The following ESF1 variants were observed in gnomAD, a reference collection of about 807,000 sequenced individuals.
The protein encoded by ESF1 is ESF1 nucleolar pre-rRNA processing protein.
In ESF1, 58 loss-of-function variants were observed where a neutral mutation model predicts 92.0. The observed-to-expected ratio is 0.63, with a 90% CI of 0.51 to 0.78. The LOEUF is 0.78. Ranked by LOEUF, ESF1 falls within the 30% of genes least tolerant of loss-of-function variation. ESF1 has a pLI of 0.00. For missense variants in ESF1, 922 were observed against 989.1 expected, an observed-to-expected ratio of 0.93 and a Z score of 0.91; for synonymous variants, 321 against 313.7, an observed-to-expected ratio of 1.02 and a Z score of -0.24.
chr20:13,782,859 T>C lies in ESF1; in HGVS notation c.282A>G (p.Ile94Met), dbSNP rs1481927073. ...TTTTAGTCTGGGTTTTTTTCTTCTTTATTTTCTTTTGACTCAATGCTTTGC... is the reference window on the plus strand; with the variant it reads ...TTTTAGTCTGGGTTTTTTTCTTCTTCATTTTCTTTTGACTCAATGCTTTGC... The part of the protein sequence containing the change: ...EDSKALSQKK[I>M]KKKKTQTKKE... The change falls in exon 2 of 14, where the codon ATA becomes ATG. Residue 94 changes from isoleucine to methionine, a missense_variant. By Grantham distance (10) the Ile-to-Met change is conservative (BLOSUM62 1). Coordinates refer to ENST00000617257, the MANE Select transcript of ESF1 (RefSeq NM_001276380.2). The C allele has an allele frequency of 4.4e-6, 7 of 1,603,910 alleles. No individual in the cohort carries two copies. In the East Asian group the frequency reaches 6.7e-5, roughly 15 times the overall value.
chr20:13,748,930 A>T (rs1978464254), intron 9 of ESF1, among the ~76,000 whole-genome samples: 1 of 152,092 alleles, frequency 6.6e-6, no homozygotes. Flanking sequence ...GATCAAAATT[A>T]TGCATCTAAG....
chr20:13,769,228 T>G (rs1419669137), intron 7 of ESF1, among the ~76,000 whole-genome samples: 1 of 152,204 alleles, frequency 6.6e-6, no homozygotes, highest in East Asian at 1.9e-4. Context: ...TTCATTTAAC[T>G]GTGCGGGGAG....
In ESF1 at chr20:13,766,810, C is replaced by CA. The variant is rs1366024108; in HGVS notation, c.1632dup (p.Glu545Ter). 3 of 1,613,598 alleles carry CA rather than the reference C, an allele frequency of 1.9e-6. No individual in the cohort carries two copies. The highest frequency in any genetic ancestry group is 2.5e-6 in the Non-Finnish European group (3 of 1,179,822). On this transcript the variant is annotated frameshift_variant, in exon 8 of 14. Coordinates refer to ENST00000617257, the MANE Select transcript of ESF1 (RefSeq NM_001276380.2). LOFTEE classifies it high-confidence loss of function. ...TCCTCTTCTATCTCCTCTTCATCTT[C>CA]ACTAGAGGAAGCTAAGTAGGCTTGA...
intron 9 of ESF1, among the ~76,000 whole-genome samples, chr20:13,750,360 T>G (rs1354044438): frequency 6.6e-6 from 1 of 151,864 alleles, no homozygotes; most frequent in East Asian, 1.9e-4. Flanking sequence ...TAAAAATTAG[T>G]TGGGTGTGGT....
intron 2 of ESF1, among the ~76,000 whole-genome samples, chr20:13,781,815 T>G (rs1980203551): frequency 6.6e-6 from 1 of 152,240 alleles, no homozygotes; most frequent in Non-Finnish European, 1.5e-5. Context: ...AATTAATGAA[T>G]GAGTACTCAA....
rs917557527 is a variant in ESF1, at chr20:13,736,386, A to G, written c.1829-2544T>C. Among the ~76,000 whole-genome samples, 7 of 152,170 alleles carry G rather than the reference A, an allele frequency of 4.6e-5. No individual in the cohort carries two copies. In the South Asian group the frequency reaches 1.4e-3, roughly 32 times the overall value. ...AAAATCATTTCTAAAAAAAAGGGCTATGTCAATATTTGAACCACATAAGTG... is the reference window on the plus strand; with the variant it reads ...AAAATCATTTCTAAAAAAAAGGGCTGTGTCAATATTTGAACCACATAAGTG... On this transcript the variant is annotated intron_variant, in intron 9 of 13. Transcript: ENST00000617257.
intron 9 of ESF1, among the ~76,000 whole-genome samples, chr20:13,743,208 A>C (rs2050026913): frequency 6.6e-6 from 1 of 152,236 alleles, no homozygotes; most frequent in South Asian, 2.1e-4. Flanking sequence ...ATTACCTCAC[A>C]CTTGCTAGGA....
intron 8 of ESF1, among the ~76,000 whole-genome samples, chr20:13,762,219 T>C (rs1451264261): frequency 6.6e-6 from 1 of 152,198 alleles, no homozygotes; most frequent in Non-Finnish European, 1.5e-5. Flanking sequence ...TATTGTTTTC[T>C]TAAAATAAAT....
At position 13,714,753 on chromosome 20, in the gene ESF1, C is replaced by A; in HGVS notation, c.*121G>T. On this transcript the variant is annotated 3_prime_UTR_variant, in exon 14 of 14. Coordinates refer to ENST00000617257, the MANE Select transcript of ESF1 (RefSeq NM_001276380.2). ...TTTATGGAGAAAAATTTTACTATGT[C>A]CAGAAAAAGATTTTATTCATGTTCT... is the stretch of plus-strand genomic sequence containing the variant. The A allele has an allele frequency of 1.0e-6, 1 of 960,094 alleles. No homozygotes were observed. The highest frequency in any genetic ancestry group is 1.5e-6 in the Non-Finnish European group (1 of 675,794). 59.5% of individuals were successfully genotyped at this position (960,094 alleles called of 1,614,324 possible). A position where few individuals can be genotyped will look rare whatever the true frequency, so the allele number is the denominator to read the frequency against.
chr20:13,714,336 TAC>T lies in ESF1; in HGVS notation c.*536_*537del, dbSNP rs2049808175. 1.3e-5 allele frequency: 2 copies of T among 152,258 alleles called. No individual in the cohort carries two copies. The highest frequency in any genetic ancestry group is 2.1e-4 in the South Asian group (1 of 4,836). The allele number at this position is 152,258 out of a possible 1,614,324, so 9.4% of individuals were successfully genotyped here. On this transcript the variant is annotated 3_prime_UTR_variant, in exon 14 of 14. Transcript: ENST00000617257. ...GCTATACAAAATAATGAAAATATTT[TAC>T]ACTTTTATTTACAAGTTAATTTCAT...
chr20:13,717,115 C>A (rs1423923808), intron 13 of ESF1, among the ~76,000 whole-genome samples: 6 of 151,966 alleles, frequency 3.9e-5, no homozygotes, highest in Non-Finnish European at 8.8e-5. Context: ...CCACGCCCAG[C>A]CAGCTAATTT....
Position 13,782,710 on chromosome 20 carries a change from C to G in ESF1, c.431G>C (p.Cys144Ser). 6.3e-7 allele frequency: 1 copy of G among 1,586,030 alleles called. No homozygotes were observed. The highest frequency in any genetic ancestry group is 8.5e-7 in the Non-Finnish European group (1 of 1,171,528). ...SIGIKKMKTS[C>S]KFKIDSNISP... ...TATGTTTGAATCTATCTTAAATTTACATGAGGTTTTCATTTTTTTAATTCC... is the reference window on the plus strand; with the variant it reads ...TATGTTTGAATCTATCTTAAATTTAGATGAGGTTTTCATTTTTTTAATTCC... The change falls in exon 2 of 14, where the codon TGT becomes TCT. Residue 144 changes from cysteine (C) to serine (S), a missense_variant. Transcript: ENST00000617257.
Position 13,716,623 on chromosome 20 carries a change from A to G in ESF1, c.2262+745T>C, listed in dbSNP as rs1233157901. On this transcript the variant is annotated intron_variant, in intron 13 of 13. Transcript: ENST00000617257. The stretch of plus-strand genomic sequence containing the variant: ...TTGGCTCCACCATCAGTCTTTCTGA[A>G]GACATTTTCTTTTTTTTTCTTTTTT... Among the ~76,000 whole-genome samples the G allele has an allele frequency of 2.0e-5, 3 of 151,274 alleles. No homozygotes were observed. In the South Asian group the frequency reaches 6.3e-4, roughly 32 times the overall value.
intron 11 of ESF1, among the ~76,000 whole-genome samples, chr20:13,724,274 G>A (rs748368462): frequency 6.6e-5 from 10 of 152,160 alleles, no homozygotes; most frequent in Admixed American, 5.2e-4. Flanking sequence ...CAGCCTGGGC[G>A]ACACAGTGAG....
chr20:13,731,825 G>T (rs1337212140), intron 10 of ESF1, among the ~76,000 whole-genome samples: 2 of 152,180 alleles, frequency 1.3e-5, no homozygotes, highest in Non-Finnish European at 2.9e-5. Context: ...GGGAAGGAAT[G>T]CTGGCATCAT....
rs577950871 is a variant in ESF1, at chr20:13,765,597, G to T, written c.1666+1180C>A. Among the ~76,000 whole-genome samples the T allele has an allele frequency of 1.8e-3, 278 of 152,240 alleles. 2 individuals carry two copies. Among genetic ancestry groups the T allele is most frequent in the African/African-American group, 6.5e-3 (272 of 41,538 alleles). On this transcript the variant is annotated intron_variant, in intron 8 of 13. Transcript: ENST00000617257. Reference sequence around the variant, plus strand: ...AAAGTTAAAGACCAAAAAAAAGAGGGAATTTCAATTAGTACCCTGACATTA... The same window carrying T: ...AAAGTTAAAGACCAAAAAAAAGAGGTAATTTCAATTAGTACCCTGACATTA...
chr20:13,742,228 TGTG>T (rs2050017979), intron 9 of ESF1, among the ~76,000 whole-genome samples: 1 of 151,666 alleles, frequency 6.6e-6, no homozygotes, highest in African/African-American at 2.4e-5. Context: ...ATTAGCCGGG[TGTG>T]GTGGTGGACG....
intron 4 of ESF1, among the ~76,000 whole-genome samples, chr20:13,774,523 T>C (rs1461819995): frequency 1.3e-5 from 2 of 152,250 alleles, no homozygotes; most frequent in Non-Finnish European, 2.9e-5. Context: ...AGCTCCTTTA[T>C]ACTTAATCCT....
chr20:13,729,048 C>T (rs2049923289), intron 10 of ESF1, among the ~76,000 whole-genome samples: 1 of 152,058 alleles, frequency 6.6e-6, no homozygotes, highest in Admixed American at 6.6e-5. Flanking sequence ...CACTTGAGAT[C>T]AGGAGTTTGA....
Sources: gnomAD v4.1 joint callset for allele counts (sites outside exome capture counted in the v4.1 genomes callset) on GRCh38, gnomAD v4.1.1 for gene constraint, MANE v1.5 for transcripts, NCBI Gene and HGNC (gene_info 2026-07-23, HGNC 2026-07-21) for gene names.